The following MEF2C variants were observed in gnomAD, a reference collection of about 807,000 sequenced individuals.
MEF2C encodes myocyte-specific enhancer factor 2C.
MEF2C carries 6 observed loss-of-function variants against 50.5 expected under a neutral mutation model. The ratio of observed to expected loss-of-function variants is 0.12; its 90% confidence interval spans 0.07 to 0.23. The LOEUF (loss-of-function observed/expected upper bound fraction) is 0.23, where lower values mean the gene tolerates loss of function less well. Among genes scored for constraint, MEF2C ranks in the 10% least tolerant of loss-of-function variants. The pLI is 1.00. For synonymous variants in MEF2C, 183 were observed against 228.0 expected, an observed-to-expected ratio of 0.80 and a Z score of 1.78; for missense variants, 276 against 605.0, an observed-to-expected ratio of 0.46 and a Z score of 5.70.
intron 1 of MEF2C, among the ~76,000 whole-genome samples, chr5:88,868,962 G>A (rs1189288708): frequency 6.6e-6 from 1 of 151,794 alleles, no homozygotes; most frequent in Non-Finnish European, 1.5e-5. Flanking sequence ...TATAATATTT[G>A]ATATAAAACA....
rs911029339 is a variant in MEF2C, at chr5:88,740,451, T to C, written c.638-8550A>G. On this transcript the variant is annotated intron_variant, in intron 6 of 10. Coordinates refer to ENST00000504921, the MANE Select transcript of MEF2C (RefSeq NM_002397.5). Reference sequence around the variant, plus strand: ...ATTTTCTCATTTGTCCTAACTGTCATGCGGATTTAGGCATCACCATCCCAG... The same window carrying C: ...ATTTTCTCATTTGTCCTAACTGTCACGCGGATTTAGGCATCACCATCCCAG... 1.0e-5 allele frequency: 10 copies of C among 985,270 alleles called. No homozygotes were observed. In the East Asian group the frequency reaches 6.8e-4, roughly 67 times the overall value. 61.0% of individuals were successfully genotyped at this position (985,270 alleles called of 1,614,324 possible). A position where few individuals can be genotyped will look rare whatever the true frequency, so the allele number is the denominator to read the frequency against.
At chr5:88,783,601 G>A (rs1789323393) in intron 3 of MEF2C, among the ~76,000 whole-genome samples, 1 of 152,100 alleles carries the variant, frequency 6.6e-6, no homozygotes. Context: ...TTGCACTCCA[G>A]CCTGGGCAAC....
At chr5:88,735,692 G>A (rs1161241913) in intron 6 of MEF2C, 2 of 985,204 alleles carry the variant, frequency 2.0e-6, no homozygotes, top group South Asian at 4.7e-5. Context: ...TGTGGTGTTA[G>A]GAGAAAAACA....
rs1328386070 is a variant in MEF2C at position 88,895,530 on chromosome 5, GT to G, written c.-239-7933del. Among the ~76,000 whole-genome samples, 5 of 152,150 alleles carry G rather than the reference GT, an allele frequency of 3.3e-5. No individual in the cohort carries two copies. The East Asian group carries it at 9.6e-4, about 29-fold the overall frequency. On this transcript the variant is annotated intron_variant, in intron 1 of 11. Coordinates refer to the MEF2C transcript ENST00000340208. Reference sequence around the variant, plus strand: ...ATTTAAGGGAACTGAGCATAAATATGTTGAATTAGTGGCTTCCTATTAGATC... The same window carrying G: ...ATTTAAGGGAACTGAGCATAAATATGTGAATTAGTGGCTTCCTATTAGATC...
At chr5:88,895,651 A>G (rs993577198) in intron 1 of MEF2C, among the ~76,000 whole-genome samples, 11 of 152,084 alleles carry the variant, frequency 7.2e-5, no homozygotes, top group African/African-American at 2.7e-4. Context: ...TCTCTTCCCT[A>G]TACTCACCTT....
Position 88,857,704 on chromosome 5 carries a change from A to C in MEF2C, c.-143+25251T>G, listed in dbSNP as rs527236297. 2.0e-5 allele frequency among the ~76,000 whole-genome samples: 3 copies of C among 152,272 alleles called. No homozygotes were observed. In the South Asian group the frequency reaches 6.2e-4, roughly 32 times the overall value. ...TATAAGGGGCTTACTCCTTCGCTCA[A>C]AACTTATTCCCTCTCCTGCCACCCT... On this transcript the variant is annotated intron_variant, in intron 1 of 10. Transcript: ENST00000504921.
At chr5:88,861,763 C>G (rs750236981) in intron 1 of MEF2C, among the ~76,000 whole-genome samples, 19 of 152,102 alleles carry the variant, frequency 1.2e-4, no homozygotes, top group Non-Finnish European at 2.4e-4. Context: ...ATAAATTTCA[C>G]CTTGTGATAT....
chr5:88,790,307 A>C (rs6870660), intron 3 of MEF2C, among the ~76,000 whole-genome samples: 88,799 of 151,988 alleles, frequency 0.58, 27,615 homozygotes, highest in Non-Finnish European at 0.71. Flanking sequence ...AAATTCCATG[A>C]AGAAGGAAAT....
At position 88,720,638 on chromosome 5, in the gene MEF2C, T is replaced by C. The variant is rs879601060; in HGVS notation, c.*1966A>G. On this transcript the variant is annotated 3_prime_UTR_variant, in exon 11 of 11. Coordinates refer to ENST00000504921, the MANE Select transcript of MEF2C (RefSeq NM_002397.5). ...GTATGTCAATGCATATGATTGGAGA[T>C]GAATCGACAGATCTTCACATTCCAA... The C allele has an allele frequency of 2.6e-5, 4 of 152,554 alleles. No homozygotes were observed. The highest frequency in any genetic ancestry group is 5.9e-5 in the Non-Finnish European group (4 of 68,004). The allele number at this position is 152,554 out of a possible 1,614,324, so 9.5% of individuals were successfully genotyped here. A position where few individuals can be genotyped will look rare whatever the true frequency, so the allele number is the denominator to read the frequency against.
intron 6 of MEF2C, chr5:88,739,339 TA>T (rs966310862): frequency 5.6e-4 from 514 of 913,154 alleles, no homozygotes; most frequent in Non-Finnish European, 5.8e-4. Context: ...TTACTCACTT[TA>T]AAAAAAAAAT....
intron 3 of MEF2C, among the ~76,000 whole-genome samples, chr5:88,764,895 T>C (rs1172414895): frequency 6.6e-6 from 1 of 151,700 alleles, no homozygotes; most frequent in African/African-American, 2.4e-5. Context: ...AGCTAAAATA[T>C]TGATTTTCTT....
At chr5:88,729,884 A>G (rs1247372842) in intron 8 of MEF2C, among the ~76,000 whole-genome samples, 2 of 152,168 alleles carry the variant, frequency 1.3e-5, no homozygotes, top group Admixed American at 6.5e-5. Context: ...TAAAGAGATA[A>G]AAGATCCACC....
At chr5:88,865,998 C>T (rs1330978492) in intron 1 of MEF2C, among the ~76,000 whole-genome samples, 2 of 151,988 alleles carry the variant, frequency 1.3e-5, no homozygotes, top group Non-Finnish European at 2.9e-5. Flanking sequence ...TGGGTTCACG[C>T]CATTCTCCTG....
At chr5:88,744,071 A>G in intron 6 of MEF2C, 3 of 981,514 alleles carry the variant, frequency 3.1e-6, no homozygotes, top group Non-Finnish European at 3.6e-6. Flanking sequence ...CTCCTTGAGC[A>G]TACTGGTCCT....
intron 1 of MEF2C, among the ~76,000 whole-genome samples, chr5:88,848,240 T>G (rs996899053): frequency 7.2e-5 from 11 of 152,190 alleles, no homozygotes; most frequent in African/African-American, 2.7e-4. Flanking sequence ...ATTTAAAAAC[T>G]TAATAATGAT....
intron 1 of MEF2C, among the ~76,000 whole-genome samples, chr5:88,899,416 T>C (rs114329459): frequency 0.011 from 1,659 of 152,292 alleles, 13 homozygotes; most frequent in Non-Finnish European, 0.015. Context: ...ATATCTTTCA[T>C]TGGATAACTA....
upstream of MEF2C, among the ~76,000 whole-genome samples, chr5:88,887,099 T>A (rs1834109356): frequency 6.6e-6 from 1 of 152,238 alleles, no homozygotes; most frequent in Admixed American, 6.5e-5. Flanking sequence ...CTTAAGATTA[T>A]TCAACTGTAT....
intron 1 of MEF2C, among the ~76,000 whole-genome samples, chr5:88,837,889 T>C (rs1815795253): frequency 6.6e-6 from 1 of 152,298 alleles, no homozygotes; most frequent in South Asian, 2.1e-4. Context: ...TACTAAGGTA[T>C]TAAAAGCTTT....
rs1311864363 is a variant in MEF2C, at chr5:88,717,227, A to G, written c.*5377T>C. 1 of 152,226 alleles carries G rather than the reference A, an allele frequency of 6.6e-6. No homozygotes were observed. The highest frequency in any genetic ancestry group is 2.4e-5 in the African/African-American group (1 of 41,446). The allele number at this position is 152,226 out of a possible 1,614,324, so 9.4% of individuals were successfully genotyped here. A position where few individuals can be genotyped will look rare whatever the true frequency, so the allele number is the denominator to read the frequency against. On this transcript the variant is annotated 3_prime_UTR_variant, in exon 11 of 11. Transcript: ENST00000504921. Reference sequence around the variant, plus strand: ...ATGTGACTGCAGGGGTCACATGCCCACAAACAGCTTTGAACTCATCCCCTT... The same window carrying G: ...ATGTGACTGCAGGGGTCACATGCCCGCAAACAGCTTTGAACTCATCCCCTT...
Sources: gnomAD v4.1 joint callset for allele counts (sites outside exome capture counted in the v4.1 genomes callset) on GRCh38, gnomAD v4.1.1 for gene constraint, MANE v1.5 for transcripts, NCBI Gene and HGNC (gene_info 2026-07-23, HGNC 2026-07-21) for gene names.